The following FMC1 variants were observed in gnomAD, a reference collection of about 807,000 sequenced individuals.
The protein encoded by FMC1 is formation of mitochondrial complex V assembly factor 1.
Under a neutral mutation model 10.5 loss-of-function variants are expected in FMC1, and 6 were observed. The observed-to-expected ratio is 0.57, with a 90% CI of 0.31 to 1.12. The LOEUF (loss-of-function observed/expected upper bound fraction) is 1.12, where lower values mean the gene tolerates loss of function less well. Ranked by LOEUF, FMC1 falls within the 50% of genes most tolerant of loss-of-function variation. FMC1 has a pLI of 0.05. For synonymous variants in FMC1, 59 were observed against 62.1 expected, an observed-to-expected ratio of 0.95 and a Z score of 0.24; for missense variants, 146 against 151.7, an observed-to-expected ratio of 0.96 and a Z score of 0.20.
At chr7:139,344,490 T>A (rs1245679936) in intron 1 of FMC1, among the ~76,000 whole-genome samples, 1 of 152,206 alleles carries the variant, frequency 6.6e-6, no homozygotes, top group Non-Finnish European at 1.5e-5. Flanking sequence ...ATATGTTTGG[T>A]AAGACATGAT....
chr7:139,344,825 C>G (rs1799193385), intron 1 of FMC1: 1 of 150,172 alleles, frequency 6.7e-6, no homozygotes, highest in Non-Finnish European at 1.5e-5. Context: ...GCCTCAGCCT[C>G]CTGAGTAGTT....
upstream of FMC1, chr7:139,340,673 T>C (rs553188931): frequency 7.6e-4 from 301 of 394,972 alleles, no homozygotes; most frequent in African/African-American, 3.6e-3. Flanking sequence ...TAGTTGAATA[T>C]GTTGTGTGAG....
intron 1 of FMC1, 68 bp downstream of exon 1, chr7:139,341,590 T>C (rs1585052905): frequency 3.8e-6 from 6 of 1,566,868 alleles, no homozygotes; most frequent in Non-Finnish European, 4.3e-6. Flanking sequence ...TGGGCTAGGG[T>C]GGGGAGCACG....
chr7:139,342,027 C>A (rs1799005756), intron 1 of FMC1, among the ~76,000 whole-genome samples: 1 of 152,096 alleles, frequency 6.6e-6, no homozygotes, highest in African/African-American at 2.4e-5. Context: ...TGCCCTTGAG[C>A]AATGTGGGGA....
intron 1 of FMC1, chr7:139,344,917 G>A (rs1165587584): frequency 6.8e-6 from 1 of 147,874 alleles, no homozygotes; most frequent in Admixed American, 6.8e-5. Context: ...GTTTCACCGT[G>A]TTAGCCAGGA....
At chr7:139,340,497 A>G, upstream of FMC1, 1 of 398,546 alleles carries the variant, frequency 2.5e-6, no homozygotes, top group Non-Finnish European at 4.4e-6. Flanking sequence ...CAACGTCCGG[A>G]GCATCGGTGC....
chr7:139,344,124 T>G (rs1799141313), intron 1 of FMC1, among the ~76,000 whole-genome samples: 2 of 151,882 alleles, frequency 1.3e-5, no homozygotes, highest in African/African-American at 2.4e-5. Context: ...AAAAGTTAAG[T>G]ATGATGAAGA....
chr7:139,340,672 A>G (rs1437896934), upstream of FMC1: 5 of 394,496 alleles, frequency 1.3e-5, no homozygotes, highest in East Asian at 7.2e-5. Context: ...ATAGTTGAAT[A>G]TGTTGTGTGA....
chr7:139,341,265 G>A (rs1798939248), upstream of FMC1: 2 of 1,466,126 alleles, frequency 1.4e-6, no homozygotes, highest in South Asian at 1.4e-5. Context: ...TCCACTGCTC[G>A]TCAGTCGATA....
At chr7:139,341,244 A>G (rs989629549), upstream of FMC1, 18 of 1,405,676 alleles carry the variant, frequency 1.3e-5, no homozygotes, top group Non-Finnish European at 1.6e-5. Context: ...GTCAACGGAC[A>G]AGTGAGCGGT....
rs1011937765 is a variant in FMC1 at position 139,345,493 on chromosome 7, T to C, written c.139-8T>C. The C allele has an allele frequency of 6.2e-7, 1 of 1,614,202 alleles. No homozygotes were observed. Among genetic ancestry groups the C allele is most frequent in the South Asian group, 1.1e-5 (1 of 91,088 alleles). On this transcript the variant is annotated splice_region_variant and splice_polypyrimidine_tract_variant and intron_variant, in intron 1 of 1. Transcript: ENST00000297534. ...GGGTTAAGAATTTCTGACTTGCTGC[T>C]TCTCTAGGTCACCAGTGAAAAGTTG...
Position 139,345,354 on chromosome 7 carries a change from G to A in FMC1, c.139-147G>A, listed in dbSNP as rs919072083. The A allele has an allele frequency of 1.4e-5, 18 of 1,274,268 alleles. No homozygotes were observed. In the African/African-American group the frequency reaches 2.7e-4, roughly 19 times the overall value. 78.9% of individuals were successfully genotyped at this position (1,274,268 alleles called of 1,614,324 possible). On this transcript the variant is annotated intron_variant, in intron 1 of 1. Coordinates refer to ENST00000297534, the MANE Select transcript of FMC1 (RefSeq NM_197964.5). Reference sequence around the variant, plus strand: ...ATAACTATAGAGTGCCTCTATAGATGTATTAAGTATACATGTATATACATA... The same window carrying A: ...ATAACTATAGAGTGCCTCTATAGATATATTAAGTATACATGTATATACATA...
intron 1 of FMC1, among the ~76,000 whole-genome samples, chr7:139,342,308 G>C (rs1222839492): frequency 1.3e-5 from 2 of 152,108 alleles, no homozygotes; most frequent in African/African-American, 2.4e-5. Context: ...AGTTAGGGAA[G>C]GTTTTCCGGA....
chr7:139,340,798 C>T (rs1320555442), upstream of FMC1, among the ~76,000 whole-genome samples: 1 of 151,964 alleles, frequency 6.6e-6, no homozygotes, highest in Non-Finnish European at 1.5e-5. Context: ...CCTTTTTTCC[C>T]CTTTCTAAAC....
Position 139,345,601 on chromosome 7 carries a change from A to G in FMC1, c.239A>G (p.His80Arg). Residue 80 changes from histidine to arginine, a missense_variant, in exon 2 of 2, where the codon CAT becomes CGT. Coordinates refer to ENST00000297534, the MANE Select transcript of FMC1 (RefSeq NM_197964.5). ...LRSIRKHVAL[H>R]QEFHGKGERS... Reference sequence around the variant, plus strand: ...AGCATCCGGAAACATGTGGCCCTACATCAGGAATTTCATGGCAAGGGTGAG... The same window carrying G: ...AGCATCCGGAAACATGTGGCCCTACGTCAGGAATTTCATGGCAAGGGTGAG... The G allele has an allele frequency of 6.2e-7, 1 of 1,614,088 alleles. No individual in the cohort carries two copies. Among genetic ancestry groups the G allele is most frequent in the Non-Finnish European group, 8.5e-7 (1 of 1,179,994 alleles).
At position 139,341,376 on chromosome 7, in the gene FMC1, G is replaced by T; in HGVS notation, c.-9G>T. 2 of 1,611,286 alleles carry T rather than the reference G, an allele frequency of 1.2e-6. No homozygotes were observed. The highest frequency in any genetic ancestry group is 1.1e-5 in the South Asian group (1 of 90,994). ...CCGTTGGGCACCACGCTCGGAGAAG[G>T]ACAGGACAATGGCGGCCTTAGGGTC... is the stretch of plus-strand genomic sequence containing the variant. On this transcript the variant is annotated 5_prime_UTR_variant, in exon 1 of 2. Coordinates refer to ENST00000297534, the MANE Select transcript of FMC1 (RefSeq NM_197964.5).
rs1161350770 is a variant in FMC1, at chr7:139,341,405, G to A, written c.21G>A (p.Pro7=). Residue 7 remains proline (P), a synonymous_variant, in exon 1 of 2, where the codon CCG becomes CCA. Coordinates refer to ENST00000297534, the MANE Select transcript of FMC1 (RefSeq NM_197964.5). ...GGACAATGGCGGCCTTAGGGTCCCCGTCGCACACTTTTCGAGGACTTCTGC... is the reference window on the plus strand; with the variant it reads ...GGACAATGGCGGCCTTAGGGTCCCCATCGCACACTTTTCGAGGACTTCTGC... MAALGS[P]SHTFRGLLRE... is the part of the protein sequence containing the mutation. 1.9e-6 allele frequency: 3 copies of A among 1,613,312 alleles called. No individual in the cohort carries two copies. Among genetic ancestry groups the A allele is most frequent in the African/African-American group, 2.7e-5 (2 of 75,066 alleles).
Position 139,345,513 on chromosome 7 carries a change from A to T in FMC1, c.151A>T (p.Lys51Ter), listed in dbSNP as rs1799230070. 6.2e-7 allele frequency: 1 copy of T among 1,614,202 alleles called. No individual in the cohort carries two copies. Among genetic ancestry groups the T allele is most frequent in the Admixed American group, 1.7e-5 (1 of 60,026 alleles). ...AFRAHRVTSE[K>*]LCRAQHELHF... Reference sequence around the variant, plus strand: ...GCTGCTTCTCTAGGTCACCAGTGAAAAGTTGTGCAGAGCCCAACATGAGCT... The same window carrying T: ...GCTGCTTCTCTAGGTCACCAGTGAATAGTTGTGCAGAGCCCAACATGAGCT... The change falls in exon 2 of 2, where the codon AAG (lysine) becomes TAG (stop). Residue 51 changes from lysine to a stop codon, truncating the protein, a stop_gained. Transcript: ENST00000297534. LOFTEE classifies it high-confidence loss of function.
chr7:139,342,861 A>G (rs754794896), intron 1 of FMC1, among the ~76,000 whole-genome samples: 2 of 152,182 alleles, frequency 1.3e-5, no homozygotes, highest in Non-Finnish European at 2.9e-5. Flanking sequence ...TCTGAAATTC[A>G]TGGTACATTC....
Sources: gnomAD v4.1 joint callset for allele counts (sites outside exome capture counted in the v4.1 genomes callset) on GRCh38, gnomAD v4.1.1 for gene constraint, MANE v1.5 for transcripts, NCBI Gene and HGNC (gene_info 2026-07-23, HGNC 2026-07-21) for gene names.